KIF26B: variants seen among roughly 807,000 people sequenced by gnomAD.
The protein encoded by KIF26B is kinesin family member 26B.
In KIF26B, 63 loss-of-function variants were observed where a neutral mutation model predicts 151.2. That is an observed-to-expected ratio of 0.42 (90% CI 0.34 to 0.51). The LOEUF is 0.51. Among genes scored for constraint, KIF26B ranks in the 20% least tolerant of loss-of-function variants. The pLI, the probability that KIF26B is intolerant of heterozygous loss-of-function variation, is 0.07. For synonymous variants in KIF26B, 1,357 were observed against 1,262.1 expected, an observed-to-expected ratio of 1.08 and a Z score of -1.59; for missense variants, 2,813 against 2,913.6, an observed-to-expected ratio of 0.97 and a Z score of 0.79.
At chr1:245,377,331 G>A (rs187778407) in intron 3 of KIF26B, among the ~76,000 whole-genome samples, 5 of 152,262 alleles carry the variant, frequency 3.3e-5, no homozygotes, top group South Asian at 2.1e-4. Flanking sequence ...GTCCTTCCTC[G>A]CCCTTCTGTT....
At chr1:245,699,226 A>G (rs1003238211) in intron 14 of KIF26B, among the ~76,000 whole-genome samples, 189 bp downstream of exon 14, 29 of 152,184 alleles carry the variant, frequency 1.9e-4, no homozygotes, top group African/African-American at 7.0e-4. Context: ...AGGGGCCGGG[A>G]CAGCAGAGGG....
At chr1:245,219,924 T>TG (rs34369123) in intron 2 of KIF26B, among the ~76,000 whole-genome samples, 2,156 of 152,192 alleles carry the variant, frequency 0.014, 56 homozygotes, top group African/African-American at 0.049. Flanking sequence ...CAAAAGACTA[T>TG]GGGGGTTCCT....
intron 4 of KIF26B, among the ~76,000 whole-genome samples, chr1:245,523,358 C>T (rs1389632656): frequency 6.6e-6 from 1 of 152,182 alleles, no homozygotes; most frequent in Non-Finnish European, 1.5e-5. Flanking sequence ...AAGTCATCAG[C>T]TTAAAAGTGC....
At chr1:245,640,903 T>C (rs1203741359) in intron 9 of KIF26B, among the ~76,000 whole-genome samples, 1 of 152,156 alleles carries the variant, frequency 6.6e-6, no homozygotes, top group Non-Finnish European at 1.5e-5. Context: ...TTTTTAATAG[T>C]TTTGTCTTTT....
At chr1:245,268,057 A>G (rs931904897) in intron 2 of KIF26B, among the ~76,000 whole-genome samples, 2 of 152,144 alleles carry the variant, frequency 1.3e-5, no homozygotes, top group African/African-American at 4.8e-5. Flanking sequence ...CTATAATCCT[A>G]GCACTTCGGG....
At chr1:245,579,658 A>C (rs1179264310) in intron 5 of KIF26B, among the ~76,000 whole-genome samples, 7 of 148,628 alleles carry the variant, frequency 4.7e-5, no homozygotes, top group Middle Eastern at 3.5e-3. Flanking sequence ...AAAAATACAA[A>C]AAACAAACAA....
At position 245,705,510 on chromosome 1, in the gene KIF26B, T is replaced by C. The variant is rs1572218295; in HGVS notation, c.*2904T>C. On this transcript the variant is annotated 3_prime_UTR_variant, in exon 15 of 15. Coordinates refer to ENST00000407071, the MANE Select transcript of KIF26B (RefSeq NM_018012.4). Reference sequence around the variant, plus strand: ...TGATAGTTCCAGGTCTCCCCTTGGTTTTGGTGATAGAGAACCCAAGGAGGC... The same window carrying C: ...TGATAGTTCCAGGTCTCCCCTTGGTCTTGGTGATAGAGAACCCAAGGAGGC... 1 of 152,104 alleles carries C rather than the reference T, an allele frequency of 6.6e-6. No individual in the cohort carries two copies. The allele number at this position is 152,104 out of a possible 1,614,324, so 9.4% of individuals were successfully genotyped here.
intron 5 of KIF26B, among the ~76,000 whole-genome samples, chr1:245,550,391 G>T (rs1448407236): frequency 6.6e-6 from 1 of 152,234 alleles, no homozygotes; most frequent in Non-Finnish European, 1.5e-5. Flanking sequence ...GATCACAATG[G>T]CATGCCTTAC....
At chr1:245,654,537 A>G (rs1203294886) in intron 10 of KIF26B, among the ~76,000 whole-genome samples, 2 of 152,126 alleles carry the variant, frequency 1.3e-5, no homozygotes. Context: ...AATAAAATAT[A>G]GCTATAATCT....
intron 9 of KIF26B, among the ~76,000 whole-genome samples, chr1:245,612,291 T>G (rs1317819502): frequency 6.6e-6 from 1 of 152,060 alleles, no homozygotes; most frequent in East Asian, 1.9e-4. Context: ...TTTGGTTATC[T>G]TTGTAGAGAT....
intron 9 of KIF26B, among the ~76,000 whole-genome samples, chr1:245,617,942 G>A (rs1338710474): frequency 6.6e-6 from 1 of 151,972 alleles, no homozygotes; most frequent in African/African-American, 2.4e-5. Flanking sequence ...CCGTCTCCTG[G>A]CATTCTTCCT....
chr1:245,683,439 G>C (rs1488492272), intron 10 of KIF26B, among the ~76,000 whole-genome samples: 2 of 152,134 alleles, frequency 1.3e-5, no homozygotes, highest in Non-Finnish European at 2.9e-5. Context: ...ATGCTGGGAC[G>C]AGTACAGGAA....
chr1:245,455,815 G>A (rs1387838), intron 4 of KIF26B, among the ~76,000 whole-genome samples: 18,399 of 152,120 alleles, frequency 0.12, 1,136 homozygotes, highest in South Asian at 0.16. Flanking sequence ...TCTTCTCTGC[G>A]TCTCCCTCAG....
intron 10 of KIF26B, among the ~76,000 whole-genome samples, chr1:245,651,902 A>G (rs1442056311): frequency 6.6e-6 from 1 of 152,158 alleles, no homozygotes; most frequent in Non-Finnish European, 1.5e-5. Flanking sequence ...CCAAAAAGGT[A>G]AAAGGGTTTG....
At chr1:245,364,131 G>C (rs1672884262) in intron 2 of KIF26B, among the ~76,000 whole-genome samples, 1 of 152,184 alleles carries the variant, frequency 6.6e-6, no homozygotes, top group Non-Finnish European at 1.5e-5. Context: ...TGCACCCTCA[G>C]ACCCCCAGCC....
chr1:245,700,077 T>C (rs2044749299), intron 14 of KIF26B, among the ~76,000 whole-genome samples: 1 of 152,102 alleles, frequency 6.6e-6, no homozygotes. Context: ...ACTCATTGGA[T>C]TCTTGGGACA....
chr1:245,539,791 T>A (rs1054078065), intron 4 of KIF26B, among the ~76,000 whole-genome samples: 3 of 152,146 alleles, frequency 2.0e-5, no homozygotes, highest in African/African-American at 7.2e-5. Flanking sequence ...TAGCTGGGAT[T>A]ACAGGCATGC....
intron 5 of KIF26B, among the ~76,000 whole-genome samples, chr1:245,551,409 G>A (rs552630511): frequency 5.3e-4 from 81 of 152,160 alleles, no homozygotes; most frequent in African/African-American, 1.9e-3. Context: ...GAAGGACAAT[G>A]TTTTGAAAAT....
intron 2 of KIF26B, among the ~76,000 whole-genome samples, chr1:245,268,980 CA>C (rs1347765808): frequency 2.6e-5 from 4 of 151,740 alleles, no homozygotes; most frequent in African/African-American, 9.7e-5. Context: ...AGGGACCCAC[CA>C]AAAAAGGTGT....
Sources: gnomAD v4.1 joint callset for allele counts (sites outside exome capture counted in the v4.1 genomes callset) on GRCh38, gnomAD v4.1.1 for gene constraint, MANE v1.5 for transcripts, NCBI Gene and HGNC (gene_info 2026-07-23, HGNC 2026-07-21) for gene names.